The following USH2A variants were observed in gnomAD, a reference collection of about 807,000 sequenced individuals.
USH2A encodes Usher syndrome 2A (autosomal recessive, mild).
Under a neutral mutation model 538.9 loss-of-function variants are expected in USH2A, and 443 were observed. The ratio of observed to expected loss-of-function variants is 0.82; its 90% CI spans 0.76 to 0.89. The LOEUF (loss-of-function observed/expected upper bound fraction) is 0.89, where lower values mean the gene tolerates loss of function less well. USH2A is among the 40% of genes least tolerant of loss of function. The pLI, the probability that USH2A is intolerant of heterozygous loss-of-function variation, is 0.00. For synonymous variants in USH2A, 2,413 were observed against 2,273.5 expected (o/e 1.06, Z -1.75); for missense variants, 6,633 against 6,324.8 (o/e 1.05, Z -1.65).
At chr1:216,224,768 G>A (rs2035528048) in intron 14 of USH2A, among the ~76,000 whole-genome samples, 1 of 152,062 alleles carries the variant, frequency 6.6e-6, no homozygotes, top group East Asian at 1.9e-4. Flanking sequence ...GCATGAAGAA[G>A]GTAAGGAATA....
In USH2A at chr1:215,888,849, T is replaced by C. The variant is rs1164054355; in HGVS notation, c.7800A>G (p.Val2600=). 4 of 1,614,188 alleles carry C rather than the reference T, an allele frequency of 2.5e-6. No homozygotes were observed. The highest frequency in any genetic ancestry group is 2.2e-5 in the East Asian group (1 of 44,880). ...AACATCCTTTTGAAGTGCAGGCTTC[T>C]ACCTGAAACTTATAGGCAGTGTATG... ...LHPYTAYKFQ[V]EACTSKGCSL... Residue 2600 remains valine, a synonymous_variant, in exon 41 of 72, where the codon GTA becomes GTG. Coordinates refer to ENST00000307340, the MANE Select transcript of USH2A (RefSeq NM_206933.4).
chr1:215,654,696 A>G (rs1052927854), intron 64 of USH2A, among the ~76,000 whole-genome samples: 1 of 152,230 alleles, frequency 6.6e-6, no homozygotes, highest in African/African-American at 2.4e-5. Context: ...TAAAAACTAA[A>G]ATTGTTTAGC....
At chr1:215,681,862 A>C (rs1658241539) in intron 61 of USH2A, among the ~76,000 whole-genome samples, 1 of 152,252 alleles carries the variant, frequency 6.6e-6, no homozygotes, top group African/African-American at 2.4e-5. Context: ...TTATGATATT[A>C]CACGCTAACC....
At chr1:215,659,979 C>A (rs1657392317) in intron 64 of USH2A, among the ~76,000 whole-genome samples, 1 of 152,178 alleles carries the variant, frequency 6.6e-6, no homozygotes, top group Non-Finnish European at 1.5e-5. Flanking sequence ...TTAAGATTTA[C>A]ATGCAATATT....
intron 61 of USH2A, among the ~76,000 whole-genome samples, chr1:215,726,849 A>G (rs1443140754): frequency 6.6e-6 from 1 of 152,182 alleles, no homozygotes; most frequent in Non-Finnish European, 1.5e-5. Context: ...GTTTAAAGCT[A>G]GTAGATAGTG....
At chr1:216,288,005 T>C (rs2036919775) in intron 11 of USH2A, among the ~76,000 whole-genome samples, 1 of 152,110 alleles carries the variant, frequency 6.6e-6, no homozygotes, top group Non-Finnish European at 1.5e-5. Flanking sequence ...AGAAGAAAAG[T>C]AAACAAATAA....
intron 21 of USH2A, among the ~76,000 whole-genome samples, chr1:216,130,959 C>T (rs1115436): frequency 0.79 from 119,946 of 151,722 alleles, 47,499 homozygotes; most frequent in Non-Finnish European, 0.8. Context: ...ACCTCATCGA[C>T]TTCAACATCT....
At chr1:216,256,704 T>C (rs1185481978) in intron 11 of USH2A, among the ~76,000 whole-genome samples, 8 of 152,026 alleles carry the variant, frequency 5.3e-5, no homozygotes, top group African/African-American at 1.9e-4. Flanking sequence ...AAATAGTAAA[T>C]ACATTTTCTC....
At chr1:215,825,244 G>C (rs58775055) in intron 47 of USH2A, among the ~76,000 whole-genome samples, 20 of 152,126 alleles carry the variant, frequency 1.3e-4, no homozygotes, top group African/African-American at 4.8e-4. Context: ...TTAGAGATGG[G>C]ATCTTGCTAT....
chr1:216,297,930 T>G (rs142985330), intron 9 of USH2A, among the ~76,000 whole-genome samples: 88 of 152,302 alleles, frequency 5.8e-4, no homozygotes, highest in Non-Finnish European at 1.1e-3. Context: ...GCCTTCTGAC[T>G]TCTTGGATTT....
At chr1:216,216,069 C>A (rs147008814) in intron 15 of USH2A, among the ~76,000 whole-genome samples, 1 of 152,046 alleles carries the variant, frequency 6.6e-6, no homozygotes, top group African/African-American at 2.4e-5. Flanking sequence ...TTATAAATGA[C>A]GATCCATAAC....
At chr1:216,351,342 A>AT (rs1437487690) in intron 4 of USH2A, among the ~76,000 whole-genome samples, 1 of 152,168 alleles carries the variant, frequency 6.6e-6, no homozygotes, top group Non-Finnish European at 1.5e-5. Flanking sequence ...AGAAACTGGT[A>AT]TTGAGCAGAC....
At chr1:216,292,433 A>G (rs1004722985) in intron 9 of USH2A, 63 bp from the exon 10 acceptor site, 18 of 1,544,390 alleles carry the variant, frequency 1.2e-5, no homozygotes, top group Non-Finnish European at 1.6e-5. Flanking sequence ...CATTTTATTG[A>G]TATGTTAGGC....
At chr1:216,243,809 T>G (rs530989749) in intron 13 of USH2A, among the ~76,000 whole-genome samples, 1 of 152,282 alleles carries the variant, frequency 6.6e-6, no homozygotes, top group South Asian at 2.1e-4. Flanking sequence ...AATAAAAATA[T>G]TTTCACCATG....
intron 37 of USH2A, among the ~76,000 whole-genome samples, chr1:215,950,440 T>C (rs1458743050): frequency 6.6e-6 from 1 of 151,848 alleles, no homozygotes; most frequent in Non-Finnish European, 1.5e-5. Flanking sequence ...AACACATGAA[T>C]ACACATATGT....
At chr1:216,139,494 T>C (rs2033558946) in intron 21 of USH2A, among the ~76,000 whole-genome samples, 1 of 152,162 alleles carries the variant, frequency 6.6e-6, no homozygotes, top group Non-Finnish European at 1.5e-5. Flanking sequence ...TGTATTGCTA[T>C]TAACTTACAG....
intron 52 of USH2A, among the ~76,000 whole-genome samples, chr1:215,784,121 C>T (rs1463737286): frequency 6.6e-6 from 1 of 152,128 alleles, no homozygotes; most frequent in Non-Finnish European, 1.5e-5. Flanking sequence ...CCCAGTTCTC[C>T]CTTCCATCCT....
chr1:215,702,506 CTTTG>C (rs1165106181), intron 61 of USH2A, among the ~76,000 whole-genome samples: 3 of 152,046 alleles, frequency 2.0e-5, no homozygotes, highest in South Asian at 4.2e-4. Flanking sequence ...TTCTTGGAGC[CTTTG>C]TTTGTTCCTT....
chr1:216,298,752 A>G (rs949279582), intron 9 of USH2A, among the ~76,000 whole-genome samples: 4 of 152,212 alleles, frequency 2.6e-5, no homozygotes, highest in Non-Finnish European at 5.9e-5. Flanking sequence ...CACTGCTTGT[A>G]GGAGAGGAGT....
Sources: allele counts gnomAD v4.1 joint callset (sites outside exome capture counted in the v4.1 genomes callset), GRCh38; gene constraint gnomAD v4.1.1; transcripts MANE v1.5; gene names NCBI Gene and HGNC (gene_info 2026-07-23, HGNC 2026-07-21).